Variants in UBE4B observed in about 807,000 individuals in gnomAD.
UBE4B encodes ubiquitin conjugation factor E4 B.
A neutral mutation model predicts 148.1 loss-of-function variants in UBE4B; 27 were observed. That is an observed-to-expected ratio of 0.18 (90% CI 0.13 to 0.25). The LOEUF (loss-of-function observed/expected upper bound fraction) is 0.25. UBE4B is among the 10% of genes least tolerant of loss of function. The probability of loss-of-function intolerance (pLI) is 1.00; values close to 1 mark genes in which losing one functional copy is unlikely to be tolerated. For synonymous variants in UBE4B, 596 were observed against 619.3 expected (o/e 0.96, Z 0.56); for missense variants, 1,170 against 1,662.4 (o/e 0.70, Z 5.15).
chr1:10,071,994 A>T lies in UBE4B; in HGVS notation c.25-34A>T. The T allele has an allele frequency of 6.6e-7, 1 of 1,518,036 alleles. No homozygotes were observed. Among genetic ancestry groups the T allele is most frequent in the Non-Finnish European group, 8.8e-7 (1 of 1,133,954 alleles). 94.0% of individuals were successfully genotyped at this position (1,518,036 alleles called of 1,614,324 possible). On this transcript the variant is annotated intron_variant, in intron 1 of 27. Transcript: ENST00000343090. ...TGGCAGAATTGTGTTTCTGCTGATTAGTTATAGAATGCCCTTTTCCCCTCA... is the reference window on the plus strand; with the variant it reads ...TGGCAGAATTGTGTTTCTGCTGATTTGTTATAGAATGCCCTTTTCCCCTCA...
intron 21 of UBE4B, among the ~76,000 whole-genome samples, chr1:10,155,447 C>T (rs1646053538): frequency 6.6e-6 from 1 of 152,194 alleles, no homozygotes; most frequent in South Asian, 2.1e-4. Context: ...CAGTGGCTAG[C>T]AAGTGGCAGC....
In UBE4B at chr1:10,044,751, T is replaced by G. The variant is rs186720383; in HGVS notation, c.24+11057T>G. On this transcript the variant is annotated intron_variant, in intron 1 of 27. Transcript: ENST00000343090. Reference sequence around the variant, plus strand: ...CGCACGCCATCATGCCCGGCTAATTTTTTGTATTTTTGATAGAGATAGAGT... The same window carrying G: ...CGCACGCCATCATGCCCGGCTAATTGTTTGTATTTTTGATAGAGATAGAGT... Among the ~76,000 whole-genome samples, 15 of 152,114 alleles carry G rather than the reference T, an allele frequency of 9.9e-5. 1 individual carries two copies. The highest frequency in any genetic ancestry group is 3.9e-4 in the Admixed American group (6 of 15,278).
intron 4 of UBE4B, among the ~76,000 whole-genome samples, chr1:10,101,441 TAGG>T: frequency 6.7e-6 from 1 of 149,784 alleles, no homozygotes. Context: ...TCAGTAAATT[TAGG>T]TTGTAATAGG....
intron 2 of UBE4B, among the ~76,000 whole-genome samples, chr1:10,079,756 G>A (rs552434955): frequency 4.5e-4 from 69 of 152,276 alleles, no homozygotes; most frequent in African/African-American, 1.1e-3. Context: ...CTGGGGTCTG[G>A]ATCAGAAACA....
intron 10 of UBE4B, among the ~76,000 whole-genome samples, chr1:10,122,556 T>C (rs1162890646): frequency 6.6e-6 from 1 of 152,222 alleles, no homozygotes; most frequent in East Asian, 1.9e-4. Context: ...TCCTAATTAT[T>C]TCATTTGGTA....
rs1646489254 is a variant in UBE4B, at chr1:10,180,405, C to T, written c.*449C>T. The T allele has an allele frequency of 6.4e-6, 1 of 156,714 alleles. No individual in the cohort carries two copies. Among genetic ancestry groups the T allele is most frequent in the Admixed American group, 6.5e-5 (1 of 15,490 alleles). The allele number at this position is 156,714 out of a possible 1,614,324, so 9.7% of individuals were successfully genotyped here. A position where few individuals can be genotyped will look rare whatever the true frequency, so the allele number is the denominator to read the frequency against. ...CTCCCCCTTCCTGACCCTACTTGCA[C>T]TGCTGTGGATTTTTTTAAGAGAAGC... On this transcript the variant is annotated 3_prime_UTR_variant, in exon 28 of 28. Coordinates refer to ENST00000343090, the MANE Select transcript of UBE4B (RefSeq NM_001105562.3).
At chr1:10,145,099 G>C (rs1268994081) in intron 18 of UBE4B, 60 bp downstream of exon 18, 5 of 1,366,640 alleles carry the variant, frequency 3.7e-6, no homozygotes, top group Admixed American at 1.9e-5. Context: ...TTTCCCAACA[G>C]AATATATGCC....
At chr1:10,143,346 G>A (rs138866959) in intron 17 of UBE4B, among the ~76,000 whole-genome samples, 4 of 152,162 alleles carry the variant, frequency 2.6e-5, no homozygotes, top group African/African-American at 7.2e-5. Flanking sequence ...AGGTTGCAGT[G>A]AGCCAGATGA....
intron 14 of UBE4B, among the ~76,000 whole-genome samples, 160 bp from the exon 15 acceptor site, chr1:10,132,209 A>T (rs950148285): frequency 6.6e-6 from 1 of 152,178 alleles, no homozygotes; most frequent in African/African-American, 2.4e-5. Context: ...ACATAGTTGG[A>T]TGTGGATATT....
intron 5 of UBE4B, among the ~76,000 whole-genome samples, chr1:10,104,276 A>G (rs1415175224): frequency 6.6e-6 from 1 of 152,216 alleles, no homozygotes; most frequent in African/African-American, 2.4e-5. Context: ...TAACAAAATA[A>G]TAAAACTCTT....
chr1:10,051,230 T>A (rs774602422), intron 1 of UBE4B, among the ~76,000 whole-genome samples: 1 of 152,190 alleles, frequency 6.6e-6, no homozygotes, highest in Non-Finnish European at 1.5e-5. Flanking sequence ...ACTTAATCTT[T>A]CTGAGCCTCA....
intron 2 of UBE4B, among the ~76,000 whole-genome samples, chr1:10,090,711 C>T (rs143488428): frequency 1.3e-5 from 2 of 152,184 alleles, no homozygotes; most frequent in East Asian, 1.9e-4. Context: ...TGAGCCACCA[C>T]ACTTGACCTT....
intron 10 of UBE4B, among the ~76,000 whole-genome samples, chr1:10,122,377 A>G (rs1645425052): frequency 6.6e-6 from 1 of 152,210 alleles, no homozygotes; most frequent in Admixed American, 6.5e-5. Flanking sequence ...TTAAAACAAG[A>G]ATACCCAGAG....
chr1:10,072,379 C>CTT, intron 2 of UBE4B, 165 bp downstream of exon 2: 17 of 674,214 alleles, frequency 2.5e-5, no homozygotes, highest in Admixed American at 3.6e-5. Context: ...TGTGTTATCG[C>CTT]TTTTTTTTTT....
intron 21 of UBE4B, among the ~76,000 whole-genome samples, chr1:10,155,371 A>G (rs536314369): frequency 2.0e-5 from 3 of 152,342 alleles, no homozygotes; most frequent in East Asian, 3.9e-4. Flanking sequence ...AGATAGTACT[A>G]TAAATACATC....
intron 1 of UBE4B, among the ~76,000 whole-genome samples, chr1:10,035,038 G>T (rs1438024816): frequency 6.6e-6 from 1 of 151,776 alleles, no homozygotes; most frequent in African/African-American, 2.4e-5. Flanking sequence ...TTGCTCTGTC[G>T]CCCAGGCTGC....
rs928105415 is a variant in UBE4B, at chr1:10,137,080, T to C, written c.2238T>C (p.Pro746=). The C allele has an allele frequency of 1.1e-5, 18 of 1,614,108 alleles. No homozygotes were observed. In the African/African-American group the frequency reaches 1.7e-4, roughly 16 times the overall value. ...DWLTELYGDQ[P]PFSEPKFPTE... ...TATTTTTCCTAGATGGCGATCAGCC[T>C]CCATTTTCTGAGCCGAAATTCCCTA... Residue 746 remains proline, a synonymous_variant, in exon 17 of 28, where the codon CCT becomes CCC. Transcript: ENST00000343090.
At chr1:10,081,582 G>A (rs1440409463) in intron 2 of UBE4B, among the ~76,000 whole-genome samples, 1 of 151,628 alleles carries the variant, frequency 6.6e-6, no homozygotes, top group African/African-American at 2.4e-5. Flanking sequence ...GTGCCACCAT[G>A]CCTGGCTAAT....
At chr1:10,152,417 A>AT (rs984852549) in intron 21 of UBE4B, among the ~76,000 whole-genome samples, 10 of 152,040 alleles carry the variant, frequency 6.6e-5, no homozygotes, top group African/African-American at 2.4e-4. Flanking sequence ...CAGTGTGCAG[A>AT]TTTAGTGCTA....
Sources: allele counts gnomAD v4.1 joint callset (sites outside exome capture counted in the v4.1 genomes callset), GRCh38; gene constraint gnomAD v4.1.1; transcripts MANE v1.5; gene names NCBI Gene and HGNC (gene_info 2026-07-23, HGNC 2026-07-21).